Variants in LIPA observed in about 807,000 individuals in gnomAD.
LIPA encodes lysosomal acid lipase/cholesteryl ester hydrolase.
A neutral mutation model predicts 40.6 loss-of-function variants in LIPA; 26 were observed. That is an observed-to-expected ratio of 0.64 (90% confidence interval 0.47 to 0.89). LIPA has a LOEUF of 0.89. Ranked by LOEUF, LIPA falls within the 40% of genes least tolerant of loss-of-function variation. LIPA has a pLI of 0.00. For missense variants in LIPA, 455 were observed against 479.6 expected (o/e 0.95, Z 0.48); for synonymous variants, 188 against 168.4 (o/e 1.12, Z -0.90).
chr10:89,375,828 G>C (rs1192945563), intron 2 of LIPA, among the ~76,000 whole-genome samples: 1 of 152,118 alleles, frequency 6.6e-6, no homozygotes. Flanking sequence ...CATTACTTAA[G>C]TAATGTTGAG....
intron 3 of LIPA, among the ~76,000 whole-genome samples, chr10:89,229,128 C>T (rs781270847): frequency 3.7e-4 from 56 of 152,142 alleles, no homozygotes; most frequent in African/African-American, 5.6e-4. Context: ...TAAATGAATG[C>T]ATAACTAAAC....
chr10:89,218,970 G>T (rs908783869), intron 8 of LIPA, among the ~76,000 whole-genome samples: 1 of 152,240 alleles, frequency 6.6e-6, no homozygotes, highest in Middle Eastern at 3.4e-3. Flanking sequence ...TAATGGAAAT[G>T]ATTATATTAC....
At chr10:89,314,155 T>C (rs1356629131) in intron 1 of LIPA, among the ~76,000 whole-genome samples, 3 of 152,242 alleles carry the variant, frequency 2.0e-5, no homozygotes, top group Non-Finnish European at 4.4e-5. Flanking sequence ...TTGAATACTG[T>C]CATTGCTTTC....
At chr10:89,233,285 C>A (rs1442126497) in intron 3 of LIPA, among the ~76,000 whole-genome samples, 1 of 152,168 alleles carries the variant, frequency 6.6e-6, no homozygotes. Context: ...CTGGGCCAAG[C>A]ACTGCAAAGG....
At chr10:89,269,137 CA>C (rs1275199439) in intron 1 of LIPA, among the ~76,000 whole-genome samples, 1 of 150,990 alleles carries the variant, frequency 6.6e-6, no homozygotes, top group Non-Finnish European at 1.5e-5. Context: ...CCATCATGGC[CA>C]ACACAGTGAA....
chr10:89,227,024 C>T lies in LIPA; in HGVS notation c.429-20G>A, dbSNP rs1171675490. 5.0e-6 allele frequency: 7 copies of T among 1,397,200 alleles called. No individual in the cohort carries two copies. The highest frequency in any genetic ancestry group is 7.1e-6 in the Non-Finnish European group (7 of 982,168). 86.6% of individuals were successfully genotyped at this position (1,397,200 alleles called of 1,614,324 possible). On this transcript the variant is annotated intron_variant, in intron 4 of 9. Coordinates refer to ENST00000336233, the MANE Select transcript of LIPA (RefSeq NM_000235.4). Reference sequence around the variant, plus strand: ...TCATAACTGTAATCCAAGAAAGGAACTCTTTCATTGAAATAGTACATAAAA... The same window carrying T: ...TCATAACTGTAATCCAAGAAAGGAATTCTTTCATTGAAATAGTACATAAAA...
intron 2 of LIPA, among the ~76,000 whole-genome samples, chr10:89,353,879 T>G (rs1388840509): frequency 6.6e-6 from 1 of 151,962 alleles, no homozygotes; most frequent in East Asian, 1.9e-4. Context: ...AGGCAGAGCT[T>G]GCAGTGAGCC....
In LIPA at chr10:89,384,415, C is replaced by T. The variant is rs140342484; in HGVS notation, c.61+28376G>A. ...TGAGGAACATTTTCAGAAAGGGTTA[C>T]GCATGAAGATCTTTGAAGATCAGCT... On this transcript the variant is annotated intron_variant, in intron 2 of 8. Coordinates refer to the LIPA transcript ENST00000371837. 2.6e-3 allele frequency: 4,152 copies of T among 1,614,120 alleles called. 12 individuals carry two copies. Among genetic ancestry groups the T allele is most frequent in the Non-Finnish European group, 3.3e-3 (3,844 of 1,180,030 alleles).
intron 1 of LIPA, among the ~76,000 whole-genome samples, chr10:89,297,378 C>A (rs578139099): frequency 9.9e-5 from 15 of 152,220 alleles, no homozygotes; most frequent in African/African-American, 3.6e-4. Flanking sequence ...TAAGCGGCAC[C>A]ATTGTGAGAC....
At chr10:89,258,553 G>T (rs1843192345) in intron 1 of LIPA, among the ~76,000 whole-genome samples, 1 of 152,194 alleles carries the variant, frequency 6.6e-6, no homozygotes, top group Non-Finnish European at 1.5e-5. Flanking sequence ...AATAACAAGT[G>T]TTGATGAGGA....
At chr10:89,281,418 T>C (rs1429553043) in intron 1 of LIPA, among the ~76,000 whole-genome samples, 1 of 152,156 alleles carries the variant, frequency 6.6e-6, no homozygotes, top group Non-Finnish European at 1.5e-5. Context: ...CTTTCTCCCA[T>C]ATTGCAATAG....
chr10:89,378,136 AT>A (rs961541744), intron 2 of LIPA: 1 of 1,614,012 alleles, frequency 6.2e-7, no homozygotes, highest in Non-Finnish European at 8.5e-7. Flanking sequence ...TCATAGCACC[AT>A]GAGGTAAAGT....
chr10:89,294,704 G>A (rs986415096), intron 1 of LIPA, among the ~76,000 whole-genome samples: 1 of 149,748 alleles, frequency 6.7e-6, no homozygotes, highest in African/African-American at 2.5e-5. Flanking sequence ...GCCAAGTGCT[G>A]TGGCTTATGC....
At chr10:89,341,018 A>C (rs1843863480) in intron 1 of LIPA, 1 of 152,194 alleles carries the variant, frequency 6.6e-6, no homozygotes, top group African/African-American at 2.4e-5. Flanking sequence ...CAGTAATATT[A>C]ATTCCCAAAA....
intron 1 of LIPA, among the ~76,000 whole-genome samples, chr10:89,315,847 CAG>C (rs1373594678): frequency 6.6e-6 from 1 of 152,036 alleles, no homozygotes; most frequent in Non-Finnish European, 1.5e-5. Flanking sequence ...GTAAAGTAAA[CAG>C]AGATAATTAA....
intron 3 of LIPA, among the ~76,000 whole-genome samples, chr10:89,230,732 T>TAC (rs1297447370): frequency 6.6e-6 from 1 of 152,176 alleles, no homozygotes; most frequent in Non-Finnish European, 1.5e-5. Context: ...GAAATGATAA[T>TAC]ACACATTTTA....
intron 1 of LIPA, among the ~76,000 whole-genome samples, chr10:89,279,936 G>T (rs1002205942): frequency 1.3e-5 from 2 of 152,066 alleles, no homozygotes; most frequent in African/African-American, 2.4e-5. Flanking sequence ...CCACACAATT[G>T]TACAAAGACG....
At chr10:89,383,050 G>T (rs1844175081) in intron 2 of LIPA, among the ~76,000 whole-genome samples, 1 of 152,176 alleles carries the variant, frequency 6.6e-6, no homozygotes, top group African/African-American at 2.4e-5. Flanking sequence ...AGATTATTTT[G>T]ATGTTAGCAG....
chr10:89,375,704 C>G (rs7897516), intron 2 of LIPA, among the ~76,000 whole-genome samples: 1,567 of 152,296 alleles, frequency 0.01, 25 homozygotes, highest in African/African-American at 0.036. Flanking sequence ...AGTTTCCTTT[C>G]CCTCATTCCC....
Sources: allele counts gnomAD v4.1 joint callset (sites outside exome capture counted in the v4.1 genomes callset), GRCh38; gene constraint gnomAD v4.1.1; transcripts MANE v1.5; gene names NCBI Gene and HGNC (gene_info 2026-07-23, HGNC 2026-07-21).